The following NF1 variants were observed in gnomAD, a reference collection of about 807,000 sequenced individuals.
The protein encoded by NF1 is neurofibromin 1.
In NF1, 122 loss-of-function variants were observed where a neutral mutation model predicts 325.7. The observed-to-expected ratio is 0.37, with a 90% confidence interval of 0.32 to 0.44. The LOEUF (loss-of-function observed/expected upper bound fraction) is 0.44. Among genes scored for constraint, NF1 ranks in the 20% least tolerant of loss-of-function variants. The pLI, the probability that NF1 is intolerant of heterozygous loss-of-function variation, is 1.00. For synonymous variants in NF1, 1,091 were observed against 1,186.0 expected (o/e 0.92, Z 1.65); for missense variants, 2,140 against 3,415.4 (o/e 0.63, Z 9.31).
chr17:31,340,285 A>G (rs2069782686), intron 46 of NF1: 4 of 572,384 alleles, frequency 7.0e-6, no homozygotes, highest in Non-Finnish European at 1.2e-5. Flanking sequence ...GAACAGGGAG[A>G]AGTCAAAGGA....
chr17:31,129,725 G>A (rs566012391), intron 1 of NF1, among the ~76,000 whole-genome samples: 2 of 152,148 alleles, frequency 1.3e-5, no homozygotes, highest in East Asian at 1.9e-4. Flanking sequence ...CACTGCGCCC[G>A]GCCATGAAAT....
At chr17:31,285,698 T>C (rs1052289482) in intron 36 of NF1, among the ~76,000 whole-genome samples, 1 of 151,948 alleles carries the variant, frequency 6.6e-6, no homozygotes, top group Non-Finnish European at 1.5e-5. Flanking sequence ...AAAAAATTAG[T>C]AGAGTGTGGT....
chr17:31,226,422 C>G lies in NF1; in HGVS notation c.2002-13C>G, dbSNP rs2067014254. The G allele has an allele frequency of 6.2e-7, 1 of 1,609,514 alleles. No homozygotes were observed. Among genetic ancestry groups the G allele is most frequent in the East Asian group, 2.3e-5 (1 of 44,418 alleles). On this transcript the variant is annotated splice_polypyrimidine_tract_variant and intron_variant, in intron 17 of 57. Coordinates refer to ENST00000358273, the MANE Select transcript of NF1 (RefSeq NM_001042492.3). ...CAAGTTGCAAATATATGTCTTCCAC[C>G]CTTGACTCTCAGGATAGTGCAGCAG... is the stretch of plus-strand genomic sequence containing the variant.
At chr17:31,182,772 A>G in intron 8 of NF1, 107 bp downstream of exon 8, 1 of 1,091,294 alleles carries the variant, frequency 9.2e-7, no homozygotes, top group Non-Finnish European at 1.3e-6. Flanking sequence ...ATTTCAGGGA[A>G]CCATTTAAAT....
At chr17:31,358,755 T>C (rs2070333587) in intron 55 of NF1, 133 bp downstream of exon 55, 3 of 1,300,154 alleles carry the variant, frequency 2.3e-6, no homozygotes, top group Non-Finnish European at 3.3e-6. Context: ...TCCATTTTTT[T>C]ACTCTCTCAA....
At chr17:31,097,185 C>T (rs989805268) in intron 1 of NF1, among the ~76,000 whole-genome samples, 4 of 152,138 alleles carry the variant, frequency 2.6e-5, no homozygotes, top group East Asian at 1.9e-4. Flanking sequence ...GGGCTGGGCG[C>T]GGTGGCTCAC....
At chr17:31,179,601 T>C (rs1190785178) in intron 5 of NF1, among the ~76,000 whole-genome samples, 3 of 151,990 alleles carry the variant, frequency 2.0e-5, no homozygotes, top group African/African-American at 7.3e-5. Flanking sequence ...TTGGCCTCAG[T>C]GAAACCCCAT....
intron 55 of NF1, 121 bp downstream of exon 55, chr17:31,358,743 A>G (rs1164242165): frequency 2.8e-5 from 39 of 1,389,544 alleles, no homozygotes; most frequent in Non-Finnish European, 1.7e-5. Context: ...TTATTTCCAT[A>G]TTCCATTTTT....
chr17:31,249,973 C>G, intron 30 of NF1: 1 of 491,908 alleles, frequency 2.0e-6, no homozygotes, highest in Non-Finnish European at 4.0e-6. Flanking sequence ...CAGCCATTTG[C>G]TTTTTTAGCA....
intron 29 of NF1, among the ~76,000 whole-genome samples, chr17:31,245,738 T>C (rs550084930): frequency 1.8e-4 from 27 of 152,310 alleles, no homozygotes; most frequent in Non-Finnish European, 8.8e-5. Context: ...CACCTCTATG[T>C]GTTCGGCAAC....
chr17:31,317,262 T>C (rs1410520380), intron 36 of NF1, among the ~76,000 whole-genome samples: 2 of 152,080 alleles, frequency 1.3e-5, no homozygotes, highest in South Asian at 2.1e-4. Flanking sequence ...ATATATTTAA[T>C]TGAAGATGGG....
chr17:31,342,274 T>C (rs1200486740), intron 47 of NF1, among the ~76,000 whole-genome samples: 1 of 152,142 alleles, frequency 6.6e-6, no homozygotes, highest in Non-Finnish European at 1.5e-5. Context: ...GTCAGCGATA[T>C]CTAGTTGTTG....
chr17:31,120,259 T>C (rs1365080011), intron 1 of NF1, among the ~76,000 whole-genome samples: 3 of 152,182 alleles, frequency 2.0e-5, no homozygotes, highest in Non-Finnish European at 4.4e-5. Flanking sequence ...TGTTTTTTCA[T>C]TTGTTTGTAT....
In NF1 at chr17:31,229,474, T is replaced by A. The variant is rs749655343; in HGVS notation, c.2850+9T>A. On this transcript the variant is annotated intron_variant, in intron 21 of 57. Transcript: ENST00000358273. ...TTGACTCCCAAGGACAGGTAAAGTG[T>A]TCTCTTATTTTTCACCTTTCTCTAT... 2 of 1,611,994 alleles carry A rather than the reference T, an allele frequency of 1.2e-6. No individual in the cohort carries two copies. Among genetic ancestry groups the A allele is most frequent in the Non-Finnish European group, 1.7e-6 (2 of 1,178,316 alleles).
At chr17:31,305,598 T>C (rs1205675666) in intron 36 of NF1, 6 of 1,612,154 alleles carry the variant, frequency 3.7e-6, no homozygotes, top group Non-Finnish European at 4.2e-6. Flanking sequence ...AGATGAAATA[T>C]TTGGGATCCA....
intron 36 of NF1, chr17:31,320,304 T>C (rs1171678990): frequency 1.1e-5 from 14 of 1,307,260 alleles, no homozygotes; most frequent in African/African-American, 9.0e-5. Flanking sequence ...ACGTATGCTA[T>C]AGAAATTCTT....
rs139031731 is a variant in NF1, at chr17:31,295,813, G to A, written c.4836-30007G>A. On this transcript the variant is annotated intron_variant, in intron 36 of 57. Coordinates refer to ENST00000358273, the MANE Select transcript of NF1 (RefSeq NM_001042492.3). ...TTTGTGTCAAAGAATTATTAGACAG[G>A]TCCACGATATGTAGTTTGGAGGGCA... The A allele has an allele frequency of 1.9e-4, 300 of 1,614,154 alleles. 1 individual carries two copies. The highest frequency in any genetic ancestry group is 2.3e-4 in the Non-Finnish European group (269 of 1,180,026).
chr17:31,228,336 A>G (rs984725347), intron 20 of NF1, among the ~76,000 whole-genome samples: 3 of 152,222 alleles, frequency 2.0e-5, no homozygotes, highest in African/African-American at 7.2e-5. Flanking sequence ...GCTTAATTAC[A>G]ATAGGAAAAA....
chr17:31,257,313 G>T (rs112634232), intron 31 of NF1, among the ~76,000 whole-genome samples: 2 of 152,198 alleles, frequency 1.3e-5, no homozygotes, highest in African/African-American at 2.4e-5. Flanking sequence ...CAGTTTAGCC[G>T]CACTAAGCAA....
Sources: allele counts gnomAD v4.1 joint callset (sites outside exome capture counted in the v4.1 genomes callset), GRCh38; gene constraint gnomAD v4.1.1; transcripts MANE v1.5; gene names NCBI Gene and HGNC (gene_info 2026-07-23, HGNC 2026-07-21).